CR1L: variants seen among roughly 807,000 people sequenced by gnomAD.
The protein encoded by CR1L is complement C3b/C4b receptor 1 like.
In CR1L, 59 loss-of-function variants were observed where a neutral mutation model predicts 62.3. The ratio of observed to expected loss-of-function variants is 0.95; its 90% confidence interval spans 0.77 to 1.18. The LOEUF (loss-of-function observed/expected upper bound fraction) is 1.18, where lower values mean the gene tolerates loss of function less well. CR1L is among the 50% of genes most tolerant of loss of function. The pLI is 0.00. For synonymous variants in CR1L, 279 were observed against 248.7 expected, an observed-to-expected ratio of 1.12 and a Z score of -1.15; for missense variants, 700 against 702.8, an observed-to-expected ratio of 1.00 and a Z score of 0.04.
intron 9 of CR1L, among the ~76,000 whole-genome samples, chr1:207,704,762 A>C (rs1356609864): frequency 6.6e-6 from 1 of 152,176 alleles, no homozygotes; most frequent in Admixed American, 6.5e-5. Context: ...TTTTTCACAT[A>C]ATTCTATTTC....
At chr1:207,668,733 T>C (rs1663562154) in intron 1 of CR1L, among the ~76,000 whole-genome samples, 1 of 151,012 alleles carries the variant, frequency 6.6e-6, no homozygotes, top group African/African-American at 2.5e-5. Context: ...TGAGCAACTG[T>C]TCATTCCATC....
chr1:207,692,110 C>T (rs1241686455), intron 4 of CR1L, among the ~76,000 whole-genome samples: 1 of 152,180 alleles, frequency 6.6e-6, no homozygotes, highest in Non-Finnish European at 1.5e-5. Context: ...ATAAGAGTAA[C>T]CTACGGTCTG....
intron 1 of CR1L, among the ~76,000 whole-genome samples, chr1:207,662,935 G>A (rs919300007): frequency 6.6e-6 from 1 of 152,356 alleles, no homozygotes; most frequent in South Asian, 2.1e-4. Context: ...TTGCCTGGAT[G>A]TCAGCAGCGG....
intron 7 of CR1L, among the ~76,000 whole-genome samples, chr1:207,698,789 A>G (rs1664148127): frequency 6.6e-6 from 1 of 152,224 alleles, no homozygotes; most frequent in East Asian, 1.9e-4. Context: ...CTCGCCAGCT[A>G]TTTCCCACTT....
At chr1:207,669,203 C>T (rs1663569428) in intron 1 of CR1L, 1 of 363,818 alleles carries the variant, frequency 2.7e-6, no homozygotes, top group Non-Finnish European at 5.1e-6. Flanking sequence ...TGCTGCTGCA[C>T]CTGGGTCAGC....
Position 207,684,862 on chromosome 1 carries a change from A to C in CR1L, c.463+905A>C, listed in dbSNP as rs139590610. On this transcript the variant is annotated intron_variant, in intron 4 of 11. Coordinates refer to ENST00000508064, the MANE Select transcript of CR1L (RefSeq NM_175710.2). ...CTTTGTCTTACTCTTCTCTTTGGAT[A>C]ACTTGGGGACTTCTTTACTTTTCTT... is the stretch of plus-strand genomic sequence containing the variant. 2.2e-3 allele frequency among the ~76,000 whole-genome samples: 334 copies of C among 152,314 alleles called. 1 individual carries two copies. The highest frequency in any genetic ancestry group is 7.7e-3 in the African/African-American group (318 of 41,560).
chr1:207,679,353 C>T (rs1332471493), intron 3 of CR1L, among the ~76,000 whole-genome samples: 3 of 151,828 alleles, frequency 2.0e-5, no homozygotes, highest in African/African-American at 7.3e-5. Flanking sequence ...GATTGGGGCC[C>T]ACACTAACAA....
intron 10 of CR1L, among the ~76,000 whole-genome samples, chr1:207,714,479 G>A (rs1232701819): frequency 6.6e-6 from 1 of 152,032 alleles, no homozygotes; most frequent in African/African-American, 2.4e-5. Context: ...TGAAGGTCGG[G>A]TTTCACCGGG....
At chr1:207,696,941 T>C (rs1664108532) in intron 5 of CR1L, among the ~76,000 whole-genome samples, 1 of 152,188 alleles carries the variant, frequency 6.6e-6, no homozygotes, top group Admixed American at 6.5e-5. Context: ...CCTTGCTGCA[T>C]AGCATGAAGG....
At chr1:207,662,405 C>T (rs1441417560) in intron 1 of CR1L, among the ~76,000 whole-genome samples, 1 of 152,108 alleles carries the variant, frequency 6.6e-6, no homozygotes, top group Non-Finnish European at 1.5e-5. Flanking sequence ...TTTGATCTTC[C>T]ATCTCTGATA....
intron 3 of CR1L, among the ~76,000 whole-genome samples, chr1:207,680,359 A>G (rs1315167113): frequency 6.6e-6 from 1 of 152,226 alleles, no homozygotes; most frequent in East Asian, 1.9e-4. Context: ...ACAGTCGAGT[A>G]CAGGTAAAAC....
intron 3 of CR1L, among the ~76,000 whole-genome samples, chr1:207,678,840 C>T (rs539797817): frequency 2.0e-5 from 3 of 152,220 alleles, no homozygotes; most frequent in East Asian, 3.9e-4. Flanking sequence ...GGGATGGATC[C>T]TTCTTTGCTT....
At chr1:207,716,910 C>G (rs1439839520) in intron 10 of CR1L, among the ~76,000 whole-genome samples, 1 of 152,178 alleles carries the variant, frequency 6.6e-6, no homozygotes, top group Non-Finnish European at 1.5e-5. Context: ...AAAAAAGCCT[C>G]TTTGGCACCA....
intron 5 of CR1L, among the ~76,000 whole-genome samples, chr1:207,696,507 C>T (rs1041543287): frequency 2.0e-5 from 3 of 152,188 alleles, no homozygotes; most frequent in Admixed American, 6.5e-5. Flanking sequence ...GAAATTTAAC[C>T]AGCACAGCAC....
chr1:207,705,722 G>A (rs6687534), intron 9 of CR1L, among the ~76,000 whole-genome samples: 4 of 151,952 alleles, frequency 2.6e-5, no homozygotes, highest in African/African-American at 7.3e-5. Flanking sequence ...GAATAAGTGC[G>A]AACCTCCCTG....
chr1:207,713,389 T>C (rs1258011556), intron 10 of CR1L, among the ~76,000 whole-genome samples: 2 of 152,266 alleles, frequency 1.3e-5, no homozygotes, highest in South Asian at 4.1e-4. Context: ...CAATTACATA[T>C]CTTCATGTCA....
At chr1:207,691,115 G>C (rs1571522537) in intron 4 of CR1L, among the ~76,000 whole-genome samples, 3 of 152,280 alleles carry the variant, frequency 2.0e-5, no homozygotes, top group Non-Finnish European at 1.5e-5. Flanking sequence ...CTTTGTTCTA[G>C]CAATCTTTAA....
Position 207,717,534 on chromosome 1 carries a change from C to T in CR1L, c.1485C>T (p.Pro495=). ...CAGGAACTCCCCTTGGAGATATTCC[C>T]TATGGAAAAGAAGTATCTTACACAT... ...RHTGTPLGDI[P]YGKEVSYTCD... Residue 495 remains proline, a synonymous_variant, in exon 11 of 12, where the codon CCC becomes CCT. Transcript: ENST00000508064. 1 of 1,613,782 alleles carries T rather than the reference C, an allele frequency of 6.2e-7. No homozygotes were observed. The highest frequency in any genetic ancestry group is 8.5e-7 in the Non-Finnish European group (1 of 1,179,718).
At chr1:207,658,695 C>T (rs1056168223) in intron 1 of CR1L, 4 of 152,312 alleles carry the variant, frequency 2.6e-5, no homozygotes, top group African/African-American at 9.7e-5. Context: ...TGCAGAGATC[C>T]TGTGCCAGTG....
Sources: gnomAD v4.1 joint callset for allele counts (sites outside exome capture counted in the v4.1 genomes callset) on GRCh38, gnomAD v4.1.1 for gene constraint, MANE v1.5 for transcripts, NCBI Gene and HGNC (gene_info 2026-07-23, HGNC 2026-07-21) for gene names.